The following CNTLN variants were observed in gnomAD, a reference collection of about 807,000 sequenced individuals.
CNTLN encodes the protein centlein, centrosomal protein.
A neutral mutation model predicts 180.0 loss-of-function variants in CNTLN; 212 were observed. That is an observed-to-expected ratio of 1.18 (90% confidence interval 1.05 to 1.32). CNTLN has a LOEUF of 1.32. Ranked by LOEUF, CNTLN falls within the 40% of genes most tolerant of loss-of-function variation. The pLI is 0.00. For synonymous variants in CNTLN, 722 were observed against 563.1 expected, an observed-to-expected ratio of 1.28 and a Z score of -3.99; for missense variants, 2,095 against 1,610.9, an observed-to-expected ratio of 1.30 and a Z score of -5.14.
intron 2 of CNTLN, among the ~76,000 whole-genome samples, chr9:17,205,824 G>T (rs1278983154): frequency 6.6e-6 from 1 of 152,144 alleles, no homozygotes; most frequent in Admixed American, 6.5e-5. Context: ...GATGCTGATG[G>T]ATCTCTGCTT....
chr9:17,320,739 G>C (rs1819854026), intron 8 of CNTLN, among the ~76,000 whole-genome samples: 1 of 152,096 alleles, frequency 6.6e-6, no homozygotes, highest in Admixed American at 6.6e-5. Context: ...CTGATCTCAG[G>C]TGATCCACCC....
intron 8 of CNTLN, among the ~76,000 whole-genome samples, chr9:17,312,359 ATATAT>A (rs1316173659): frequency 1.4e-3 from 22 of 15,256 alleles, no homozygotes; most frequent in African/African-American, 3.2e-3. Context: ...ATATATATAT[ATATAT>A]TATATATATA....
intron 7 of CNTLN, among the ~76,000 whole-genome samples, chr9:17,302,732 T>C (rs1037824211): frequency 2.6e-5 from 4 of 152,210 alleles, no homozygotes; most frequent in Non-Finnish European, 4.4e-5. Flanking sequence ...AATTTAAATA[T>C]TACTCTAGTC....
chr9:17,282,937 A>G (rs1333502740), intron 6 of CNTLN, among the ~76,000 whole-genome samples: 6 of 152,060 alleles, frequency 3.9e-5, no homozygotes, highest in African/African-American at 9.6e-5. Context: ...GTTCTGTTCT[A>G]TTGGTTCATG....
chr9:17,302,200 C>A, intron 7 of CNTLN: 2 of 813,470 alleles, frequency 2.5e-6, no homozygotes, highest in Non-Finnish European at 2.9e-6. Flanking sequence ...ATATGCAATT[C>A]ACTTTTTTTT....
At chr9:17,202,877 C>T (rs541777167) in intron 2 of CNTLN, among the ~76,000 whole-genome samples, 1 of 152,054 alleles carries the variant, frequency 6.6e-6, no homozygotes, top group African/African-American at 2.4e-5. Flanking sequence ...ATCCTGTCAT[C>T]ATGATGCTAG....
At chr9:17,417,110 C>T (rs528380007) in intron 18 of CNTLN, among the ~76,000 whole-genome samples, 3 of 152,180 alleles carry the variant, frequency 2.0e-5, no homozygotes, top group African/African-American at 7.2e-5. Context: ...CCAGAAGTTT[C>T]TGGATTTTAC....
intron 6 of CNTLN, 132 bp downstream of exon 6, chr9:17,273,998 G>T (rs1828124318): frequency 2.9e-6 from 2 of 693,322 alleles, no homozygotes; most frequent in Non-Finnish European, 4.4e-6. Context: ...TTTGTGCATT[G>T]AGAATCTGGA....
chr9:17,398,459 G>A (rs571931451), intron 15 of CNTLN, among the ~76,000 whole-genome samples: 4 of 152,266 alleles, frequency 2.6e-5, no homozygotes, highest in African/African-American at 9.6e-5. Flanking sequence ...GGGGAGATCT[G>A]CAAAGTCCTT....
intron 2 of CNTLN, among the ~76,000 whole-genome samples, chr9:17,198,446 A>T: frequency 8.9e-6 from 1 of 111,988 alleles, no homozygotes. Flanking sequence ...TATAGTTTTC[A>T]TTGTAGAGAT....
Position 17,484,433 on chromosome 9 carries a change from A to G in CNTLN, c.3994A>G (p.Ile1332Val), listed in dbSNP as rs1209454328. The G allele has an allele frequency of 1.2e-6, 2 of 1,606,878 alleles. No individual in the cohort carries two copies. The highest frequency in any genetic ancestry group is 1.7e-5 in the Admixed American group (1 of 57,700). Residue 1332 changes from isoleucine to valine, a missense_variant, in exon 24 of 26, where the codon ATT becomes GTT. Coordinates refer to ENST00000380647, the MANE Select transcript of CNTLN (RefSeq NM_017738.4). Reference sequence around the variant, plus strand: ...GACCTTGGCAGCTTCTATCCTGAACATTTCACGGTCAGATTTAGAGGAAAT... The same window carrying G: ...GACCTTGGCAGCTTCTATCCTGAACGTTTCACGGTCAGATTTAGAGGAAAT... ...AQTLAASILN[I>V]SRSDLEEILD... is the part of the protein sequence containing the mutation.
At chr9:17,491,803 C>T (rs1043376056) in intron 25 of CNTLN, among the ~76,000 whole-genome samples, 10 of 152,238 alleles carry the variant, frequency 6.6e-5, no homozygotes, top group South Asian at 6.2e-4. Context: ...TAACTTTCCC[C>T]AGTGTCCTCT....
At chr9:17,238,236 T>C (rs1468570831) in intron 5 of CNTLN, among the ~76,000 whole-genome samples, 1 of 152,198 alleles carries the variant, frequency 6.6e-6, no homozygotes, top group African/African-American at 2.4e-5. Context: ...ATTTCAAAAG[T>C]TTGTGAATTT....
chr9:17,482,270 A>C (rs896702900), intron 23 of CNTLN, among the ~76,000 whole-genome samples: 1 of 152,180 alleles, frequency 6.6e-6, no homozygotes, highest in Non-Finnish European at 1.5e-5. Context: ...ATAAAGATTT[A>C]AAAAAGGAGA....
chr9:17,237,402 CACACG>C (rs1232843546), intron 5 of CNTLN, among the ~76,000 whole-genome samples: 7 of 136,440 alleles, frequency 5.1e-5, no homozygotes, highest in African/African-American at 2.0e-4. Context: ...CACACACACA[CACACG>C]GTTAGTCAAC....
chr9:17,192,760 C>A (rs888636810), intron 2 of CNTLN, among the ~76,000 whole-genome samples: 1 of 152,146 alleles, frequency 6.6e-6, no homozygotes, highest in Admixed American at 6.5e-5. Flanking sequence ...AAGAAGACAA[C>A]AAGTGAATGC....
intron 2 of CNTLN, among the ~76,000 whole-genome samples, chr9:17,180,858 T>G (rs889924197): frequency 2.6e-5 from 4 of 152,194 alleles, no homozygotes; most frequent in African/African-American, 7.2e-5. Flanking sequence ...CTTTCGGTAT[T>G]TGAAAAATGC....
intron 18 of CNTLN, among the ~76,000 whole-genome samples, chr9:17,448,853 A>G (rs2134098417): frequency 6.6e-6 from 1 of 152,334 alleles, no homozygotes; most frequent in East Asian, 1.9e-4. Context: ...AATAGTAAAT[A>G]GGACATGTGA....
chr9:17,464,480 C>T lies in CNTLN; in HGVS notation c.3405-17C>T, dbSNP rs1588056079. 1.3e-6 allele frequency: 2 copies of T among 1,525,274 alleles called. No individual in the cohort carries two copies. The highest frequency in any genetic ancestry group is 1.5e-5 in the African/African-American group (1 of 67,966). 94.5% of individuals were successfully genotyped at this position (1,525,274 alleles called of 1,614,324 possible). On this transcript the variant is annotated splice_polypyrimidine_tract_variant and intron_variant, in intron 20 of 25. Transcript: ENST00000380647. ...GTATTTTCTGTCACTCTTGATGTCA[C>T]CTTTTTTTTTTTCAAGGATATCTCG...
Sources: gnomAD v4.1 joint callset for allele counts (sites outside exome capture counted in the v4.1 genomes callset) on GRCh38, gnomAD v4.1.1 for gene constraint, MANE v1.5 for transcripts, NCBI Gene and HGNC (gene_info 2026-07-23, HGNC 2026-07-21) for gene names.